Variants in MROH2A observed in about 807,000 individuals in gnomAD.
The protein encoded by MROH2A is maestro heat-like repeat-containing protein family member 2A.
Under a neutral mutation model 200.4 loss-of-function variants are expected in MROH2A, and 174 were observed. The observed-to-expected ratio is 0.87, with a 90% CI of 0.77 to 0.98. The LOEUF is 0.98. Ranked by LOEUF, MROH2A falls within the 50% of genes least tolerant of loss-of-function variation. The pLI is 0.00. For synonymous variants in MROH2A, 829 were observed against 840.4 expected (o/e 0.99, Z 0.23); for missense variants, 2,045 against 2,139.6 (o/e 0.96, Z 0.87).
Position 233,795,765 on chromosome 2 carries a change from C to G in MROH2A, c.1059+20C>G. The G allele has an allele frequency of 3.2e-6, 5 of 1,550,946 alleles. No individual in the cohort carries two copies. The highest frequency in any genetic ancestry group is 3.5e-6 in the Non-Finnish European group (4 of 1,147,058). On this transcript the variant is annotated intron_variant, in intron 9 of 41. Coordinates refer to ENST00000389758, the MANE Select transcript of MROH2A (RefSeq NM_001394639.1). The stretch of plus-strand genomic sequence containing the variant: ...GTCCAGGTGAGGCCAGCAAGCTCAG[C>G]TGGACAAGGGCATTCTCTGGGTGGA...
chr2:233,787,333 C>T (rs1345139566), intron 3 of MROH2A, among the ~76,000 whole-genome samples: 1 of 149,966 alleles, frequency 6.7e-6, no homozygotes, highest in Non-Finnish European at 1.5e-5. Context: ...GATATTGCCC[C>T]CCAGTTAAGT....
rs1348875566 is a variant in MROH2A at position 233,800,201 on chromosome 2, C to T, written c.1450-4C>T. 6.5e-7 allele frequency: 1 copy of T among 1,543,336 alleles called. No individual in the cohort carries two copies. The highest frequency in any genetic ancestry group is 2.0e-5 in the Admixed American group (1 of 50,468). On this transcript the variant is annotated splice_polypyrimidine_tract_variant and splice_region_variant and intron_variant, in intron 13 of 41. Coordinates refer to ENST00000389758, the MANE Select transcript of MROH2A (RefSeq NM_001394639.1). ...GGTGGGAATCCCTTGGTTCTTTCTT[C>T]CAGACAAATCGCCGGGAGAAGTTTT...
chr2:233,776,354 CTT>C (rs10568441), upstream of MROH2A, among the ~76,000 whole-genome samples: 112 of 111,318 alleles, frequency 1.0e-3, 1 homozygote, highest in East Asian at 6.2e-3. Context: ...AATGTATTTA[CTT>C]TTTTTTTTTT....
At chr2:233,814,964 G>A (rs954811943) in intron 26 of MROH2A, among the ~76,000 whole-genome samples, 1 of 152,206 alleles carries the variant, frequency 6.6e-6, no homozygotes, top group African/African-American at 2.4e-5. Context: ...CAGACATCCA[G>A]AGTAACAGTA....
At chr2:233,813,363 A>T (rs1416013056) in intron 24 of MROH2A, among the ~76,000 whole-genome samples, 1 of 152,214 alleles carries the variant, frequency 6.6e-6, no homozygotes, top group Non-Finnish European at 1.5e-5. Flanking sequence ...CAGATTCCAT[A>T]GTTGCAGTCG....
chr2:233,812,026 G>C, intron 24 of MROH2A, 67 bp downstream of exon 24: 1 of 1,097,838 alleles, frequency 9.1e-7, no homozygotes. Flanking sequence ...ATTCCTCGGT[G>C]CTCCTTCAGG....
intron 38 of MROH2A, 53 bp from the exon 39 acceptor site, chr2:233,831,356 G>A: frequency 6.7e-7 from 1 of 1,502,666 alleles, no homozygotes; most frequent in Non-Finnish European, 8.9e-7. Context: ...TCACCCCTCT[G>A]GGGAACCACG....
chr2:233,808,769 T>C (rs1301897654), intron 21 of MROH2A, among the ~76,000 whole-genome samples: 3 of 152,178 alleles, frequency 2.0e-5, no homozygotes, highest in Non-Finnish European at 4.4e-5. Flanking sequence ...GCCTGACCCA[T>C]AGCCGGTGCC....
chr2:233,820,795 A>G lies in MROH2A; in HGVS notation c.3512+739A>G, dbSNP rs1463074655. Among the ~76,000 whole-genome samples the G allele has an allele frequency of 1.3e-5, 2 of 152,186 alleles. No individual in the cohort carries two copies. Among genetic ancestry groups the G allele is most frequent in the Non-Finnish European group, 2.9e-5 (2 of 68,022 alleles). ...TTGGAACAGAGAAAAGAGTTTTAAAAATAGGCCCCGGCTCCAGAGCCACAA... is the reference window on the plus strand; with the variant it reads ...TTGGAACAGAGAAAAGAGTTTTAAAGATAGGCCCCGGCTCCAGAGCCACAA... On this transcript the variant is annotated intron_variant, in intron 31 of 41. Transcript: ENST00000389758. This position sits in a 1 kb window ranked among gnomAD's most constrained non-coding sequence, Gnocchi z 4.1.
intron 21 of MROH2A, among the ~76,000 whole-genome samples, chr2:233,808,840 C>G (rs1311551039): frequency 6.6e-6 from 1 of 152,316 alleles, no homozygotes. Context: ...ACTTGAGCAC[C>G]TCCCCCCACA....
chr2:233,828,738 C>G lies in MROH2A; in HGVS notation c.4222C>G (p.Leu1408Val), dbSNP rs1704498788. 1.3e-6 allele frequency: 2 copies of G among 1,550,556 alleles called. No individual in the cohort carries two copies. The highest frequency in any genetic ancestry group is 1.7e-6 in the Non-Finnish European group (2 of 1,146,938). Reference sequence around the variant, plus strand: ...AGACGAGGCCCTGCGGGTGCTGTCCCTGCGCGCCCTCGGCAACATGGCCCT... The same window carrying G: ...AGACGAGGCCCTGCGGGTGCTGTCCGTGCGCGCCCTCGGCAACATGGCCCT... ...EEDEALRVLS[L>V]RALGNMALGA... The change falls in exon 36 of 42, where the codon CTG (leucine) becomes GTG (valine). Residue 1408 changes from leucine to valine, a missense_variant. This residue lies in a region of MROH2A where 1,201 missense variants were observed against 1,311.3 expected (regional missense o/e 0.92). Transcript: ENST00000389758. The surrounding 1 kb of genome is among the most constrained non-coding windows in gnomAD (Gnocchi z 4.6).
intron 6 of MROH2A, 102 bp from the exon 7 acceptor site, chr2:233,793,571 G>A (rs949446767): frequency 2.8e-5 from 32 of 1,156,130 alleles, no homozygotes; most frequent in Admixed American, 8.0e-5. Context: ...TGCTCGCTAC[G>A]GCAAGGCATG....
At position 233,789,947 on chromosome 2, in the gene MROH2A, C is replaced by T. The variant is rs1379291977; in HGVS notation, c.504C>T (p.His168=). The T allele has an allele frequency of 6.4e-7, 1 of 1,550,416 alleles. No individual in the cohort carries two copies. Among genetic ancestry groups the T allele is most frequent in the Non-Finnish European group, 8.7e-7 (1 of 1,146,956 alleles). ...TGGTCATGTACGAGCTGCAGCACCA[C>T]CTCAAGCCCCTCAACCTCACTGATG... is the stretch of plus-strand genomic sequence containing the variant. ...FSLVMYELQH[H]LKPLNLTDEF... is the part of the protein sequence containing the mutation. Residue 168 remains histidine, a synonymous_variant, in exon 5 of 42, where the codon CAC becomes CAT. Coordinates refer to ENST00000389758, the MANE Select transcript of MROH2A (RefSeq NM_001394639.1).
chr2:233,787,912 TTATA>T (rs368876131), intron 3 of MROH2A, among the ~76,000 whole-genome samples: 37 of 1,082 alleles, frequency 0.034, 1 homozygote, highest in South Asian at 0.1. Flanking sequence ...TACATATATA[TTATA>T]TATATACATA....
At position 233,828,663 on chromosome 2, in the gene MROH2A, C is replaced by G. The variant is rs939124398; in HGVS notation, c.4147C>G (p.Leu1383Val). 3.2e-6 allele frequency: 5 copies of G among 1,550,670 alleles called. No individual in the cohort carries two copies. Among genetic ancestry groups the G allele is most frequent in the Non-Finnish European group, 4.4e-6 (5 of 1,147,048 alleles). Residue 1383 changes from leucine (L) to valine (V), a missense_variant, in exon 36 of 42, where the codon CTG (leucine) becomes GTG (valine). Leu to Val is a conservative substitution (Grantham distance 32). Around this residue, in one of 3 missense-constraint regions of MROH2A, gnomAD observed 1,201 missense variants for 1,311.3 expected, o/e 0.92. Coordinates refer to ENST00000389758, the MANE Select transcript of MROH2A (RefSeq NM_001394639.1). The surrounding 1 kb of genome is among the most constrained non-coding windows in gnomAD (Gnocchi z 4.6). ...CGGCCCAGTTCTGTACCAGGAGAAGCTGCTGAAGCCGGCAGCTTTGCTGCT... is the reference window on the plus strand; with the variant it reads ...CGGCCCAGTTCTGTACCAGGAGAAGGTGCTGAAGCCGGCAGCTTTGCTGCT... ...MSGPVLYQEK[L>V]LKPAALLLEK...
chr2:233,788,128 A>AT lies in MROH2A; in HGVS notation c.277-1368dup, dbSNP rs1452421327. Among the ~76,000 whole-genome samples, 389 of 108,162 alleles carry AT rather than the reference A, an allele frequency of 3.6e-3. 1 individual carries two copies. The highest frequency in any genetic ancestry group is 5.6e-3 in the Non-Finnish European group (317 of 57,050). 71.0% of individuals were successfully genotyped at this position (108,162 alleles called of 152,430 possible). ...ATACATATATATTATATATACATAT[A>AT]TATTTTATATATATATAATATATAT... On this transcript the variant is annotated intron_variant, in intron 3 of 41. Transcript: ENST00000389758.
intron 2 of MROH2A, 22 bp downstream of exon 2, chr2:233,779,474 C>A (rs1472875698): frequency 6.6e-7 from 1 of 1,521,600 alleles, no homozygotes; most frequent in Non-Finnish European, 8.9e-7. Flanking sequence ...ATCCACATTT[C>A]TGCTTTCCTG....
chr2:233,779,098 TA>T (rs1396885238), intron 1 of MROH2A, among the ~76,000 whole-genome samples: 1 of 152,204 alleles, frequency 6.6e-6, no homozygotes, highest in Admixed American at 6.5e-5. Context: ...TTCAATCTGA[TA>T]AGAGGGAATC....
Position 233,796,057 on chromosome 2 carries a change from C to T in MROH2A, c.1138+12C>T, listed in dbSNP as rs572928779. 18 of 1,549,588 alleles carry T rather than the reference C, an allele frequency of 1.2e-5. No individual in the cohort carries two copies. The highest frequency in any genetic ancestry group is 6.0e-5 in the South Asian group (5 of 83,958). On this transcript the variant is annotated intron_variant, in intron 10 of 41. Transcript: ENST00000389758. ...CTTCGTAGCCCTTGGTGAGGCTCTG[C>T]GGCAGGGTGCTCCCTGCCTGCCCCG...
Sources: gnomAD v4.1 joint callset for allele counts (sites outside exome capture counted in the v4.1 genomes callset) on GRCh38, gnomAD v4.1.1 for gene constraint, gnomAD v4.1.1 regional missense constraint, Gnocchi (gnomAD v3.1) non-coding constraint, MANE v1.5 for transcripts, NCBI Gene and HGNC (gene_info 2026-07-23, HGNC 2026-07-21) for gene names.